Variants in CNTN4 observed in about 807,000 individuals in gnomAD.
CNTN4 encodes the protein contactin 4.
A neutral mutation model predicts 122.5 loss-of-function variants in CNTN4; 77 were observed. The ratio of observed to expected loss-of-function variants is 0.63; its 90% CI spans 0.52 to 0.76. CNTN4 has a LOEUF of 0.76. Ranked by LOEUF, CNTN4 falls within the 30% of genes least tolerant of loss-of-function variation. CNTN4 has a pLI of 0.00. For missense variants in CNTN4, 1,256 were observed against 1,259.1 expected, an observed-to-expected ratio of 1.00 and a Z score of 0.04; for synonymous variants, 512 against 447.0, an observed-to-expected ratio of 1.15 and a Z score of -1.83.
At chr3:2,187,109 G>T (rs539177526) in intron 2 of CNTN4, among the ~76,000 whole-genome samples, 1 of 152,130 alleles carries the variant, frequency 6.6e-6, no homozygotes, top group South Asian at 2.1e-4. Flanking sequence ...TTTGTATAAG[G>T]TGTAAGGAAG....
intron 2 of CNTN4, among the ~76,000 whole-genome samples, chr3:2,192,823 T>TA (rs532041291): frequency 2.0e-5 from 3 of 152,038 alleles, no homozygotes; most frequent in Admixed American, 6.6e-5. Flanking sequence ...CCCCACTATT[T>TA]AAAAAAAATA....
chr3:2,904,015 A>G (rs897887728), intron 12 of CNTN4, among the ~76,000 whole-genome samples: 1 of 152,198 alleles, frequency 6.6e-6, no homozygotes, highest in Non-Finnish European at 1.5e-5. Context: ...AGATAAATCT[A>G]TGGACGTTAA....
intron 2 of CNTN4, among the ~76,000 whole-genome samples, chr3:2,197,424 A>G (rs796242453): frequency 6.6e-6 from 1 of 152,240 alleles, no homozygotes; most frequent in Admixed American, 6.5e-5. Context: ...TTTACAATTT[A>G]TTGAGTACAT....
At chr3:3,019,866 G>A (rs1698137393) in intron 14 of CNTN4, among the ~76,000 whole-genome samples, 2 of 148,398 alleles carry the variant, frequency 1.3e-5, no homozygotes, top group Admixed American at 6.8e-5. Flanking sequence ...AAGAAAATAA[G>A]CAAATACAGT....
intron 2 of CNTN4, among the ~76,000 whole-genome samples, chr3:2,181,498 A>G (rs2037015294): frequency 6.6e-6 from 1 of 152,102 alleles, no homozygotes; most frequent in Non-Finnish European, 1.5e-5. Context: ...AAACACAGGG[A>G]AGTGAAATCA....
chr3:2,115,780 A>C (rs866226463), intron 2 of CNTN4, among the ~76,000 whole-genome samples: 37 of 152,220 alleles, frequency 2.4e-4, no homozygotes, highest in Admixed American at 1.2e-3. Context: ...GCCTTCTCTG[A>C]ATAATTCATA....
chr3:2,992,955 G>T (rs78112247), intron 14 of CNTN4, among the ~76,000 whole-genome samples: 2,007 of 152,222 alleles, frequency 0.013, 51 homozygotes, highest in African/African-American at 0.046. Flanking sequence ...TAGGGAGGAG[G>T]CCTGGAAAAA....
At chr3:2,783,130 T>G (rs1445901241) in intron 6 of CNTN4, among the ~76,000 whole-genome samples, 1 of 151,902 alleles carries the variant, frequency 6.6e-6, no homozygotes, top group African/African-American at 2.4e-5. Flanking sequence ...TTTTTTTTTT[T>G]TTTAAATTAG....
intron 4 of CNTN4, among the ~76,000 whole-genome samples, chr3:2,733,723 AT>A (rs1266029387): frequency 2.0e-5 from 3 of 151,720 alleles, no homozygotes; most frequent in Non-Finnish European, 2.9e-5. Flanking sequence ...TTTAGTAGTG[AT>A]GGGGTTTCAC....
intron 4 of CNTN4, among the ~76,000 whole-genome samples, chr3:2,691,209 C>T (rs565366582): frequency 3.3e-5 from 5 of 152,228 alleles, no homozygotes; most frequent in South Asian, 4.2e-4. Context: ...TCCTCAAGAA[C>T]GTCTCAAAAT....
intron 2 of CNTN4, among the ~76,000 whole-genome samples, chr3:2,166,290 G>A (rs1282079896): frequency 6.6e-6 from 1 of 151,836 alleles, no homozygotes; most frequent in Non-Finnish European, 1.5e-5. Flanking sequence ...CACCTGTTAG[G>A]ATTTTTTTTG....
intron 14 of CNTN4, among the ~76,000 whole-genome samples, chr3:2,998,091 C>A (rs1695690578): frequency 6.6e-6 from 1 of 152,184 alleles, no homozygotes; most frequent in Non-Finnish European, 1.5e-5. Context: ...GCCTGGCCCA[C>A]ATCTCTCCTG....
chr3:2,391,889 G>A (rs2046453882), intron 3 of CNTN4, among the ~76,000 whole-genome samples: 1 of 152,166 alleles, frequency 6.6e-6, no homozygotes, highest in South Asian at 2.1e-4. Context: ...TGGTAGTGAA[G>A]CTTCTTCGAA....
chr3:2,691,176 A>C (rs959117168), intron 4 of CNTN4, among the ~76,000 whole-genome samples: 1 of 152,108 alleles, frequency 6.6e-6, no homozygotes, highest in African/African-American at 2.4e-5. Context: ...TTCTGAGTGA[A>C]CGTGTTGATG....
chr3:2,394,966 C>T (rs978684473), intron 3 of CNTN4, among the ~76,000 whole-genome samples: 31 of 151,668 alleles, frequency 2.0e-4, no homozygotes, highest in African/African-American at 6.8e-4. Context: ...TTTGTATTTT[C>T]GGTAGACACG....
intron 3 of CNTN4, among the ~76,000 whole-genome samples, chr3:2,409,870 A>G (rs967866469): frequency 1.3e-5 from 2 of 152,096 alleles, no homozygotes; most frequent in East Asian, 1.9e-4. Flanking sequence ...ATATATATAT[A>G]CTGAAACAGA....
At chr3:2,520,777 G>T (rs1034715457) in intron 3 of CNTN4, among the ~76,000 whole-genome samples, 20 of 152,040 alleles carry the variant, frequency 1.3e-4, no homozygotes, top group African/African-American at 4.8e-4. Context: ...GTGCTGGGCT[G>T]TTTAAGCACA....
chr3:2,897,383 C>G (rs2094126693), intron 10 of CNTN4, among the ~76,000 whole-genome samples: 1 of 151,522 alleles, frequency 6.6e-6, no homozygotes, highest in Non-Finnish European at 1.5e-5. Context: ...AGATGGTTCT[C>G]TTTTAATATG....
At chr3:2,154,328 G>C (rs1285369351) in intron 2 of CNTN4, among the ~76,000 whole-genome samples, 1 of 151,592 alleles carries the variant, frequency 6.6e-6, no homozygotes, top group African/African-American at 2.4e-5. Flanking sequence ...GGAGATTGCA[G>C]TGAGCCAGTC....
Sources: gnomAD v4.1 joint callset for allele counts (sites outside exome capture counted in the v4.1 genomes callset) on GRCh38, gnomAD v4.1.1 for gene constraint, MANE v1.5 for transcripts, NCBI Gene and HGNC (gene_info 2026-07-23, HGNC 2026-07-21) for gene names.